Variants in ZNF76 observed in about 807,000 individuals in gnomAD.
ZNF76 encodes the protein zinc finger protein 523.
Under a neutral mutation model 66.9 loss-of-function variants are expected in ZNF76, and 66 were observed. The observed-to-expected ratio is 0.99, with a 90% CI of 0.81 to 1.21. ZNF76 has a LOEUF of 1.21. Ranked by LOEUF, ZNF76 falls within the 50% of genes most tolerant of loss-of-function variation. The pLI is 0.00. For synonymous variants in ZNF76, 275 were observed against 296.1 expected (o/e 0.93, Z 0.73); for missense variants, 729 against 760.3 (o/e 0.96, Z 0.48).
At chr6:35,272,324 C>T (rs966482900) in intron 1 of ZNF76, among the ~76,000 whole-genome samples, 1 of 152,086 alleles carries the variant, frequency 6.6e-6, no homozygotes, top group African/African-American at 2.4e-5. Context: ...AATAAATTAG[C>T]CAGGCTTGGT....
intron 1 of ZNF76, among the ~76,000 whole-genome samples, chr6:35,271,669 CAA>C (rs1248714563): frequency 5.0e-5 from 5 of 100,614 alleles, no homozygotes; most frequent in Admixed American, 1.0e-4. Flanking sequence ...GACTCCGTCT[CAA>C]AAAAAAAAAA....
chr6:35,278,676 AAG>A (rs1432400924), intron 1 of ZNF76, among the ~76,000 whole-genome samples: 9 of 152,250 alleles, frequency 5.9e-5, no homozygotes, highest in African/African-American at 2.2e-4. Flanking sequence ...ATGGATGTCA[AAG>A]AGAGTCTTCA....
intron 2 of ZNF76, among the ~76,000 whole-genome samples, chr6:35,283,711 C>T (rs944072602): frequency 6.6e-6 from 1 of 152,248 alleles, no homozygotes; most frequent in African/African-American, 2.4e-5. Flanking sequence ...ACCCACTCTG[C>T]TGGCCGTAGC....
Position 35,292,647 on chromosome 6 carries a change from G to A in ZNF76, c.1025G>A (p.Cys342Tyr). ...LYKHHVVHTH[C>Y]KPYTCSTCGK... ...AAGCACCACGTGGTGCACACACACT[G>A]CAAGCCCTACACCTGCAGCACCTGC... Residue 342 changes from cysteine (C) to tyrosine (Y), a missense_variant, in exon 10 of 14, where the codon TGC becomes TAC. Physicochemically the swap from Cys to Tyr is radical, Grantham distance 194. Coordinates refer to ENST00000373953, the MANE Select transcript of ZNF76 (RefSeq NM_003427.5). This position sits in a 1 kb window ranked among gnomAD's most constrained non-coding sequence, Gnocchi z 4.7. 1 of 1,614,096 alleles carries A rather than the reference G, an allele frequency of 6.2e-7. No homozygotes were observed. Among genetic ancestry groups the A allele is most frequent in the Non-Finnish European group, 8.5e-7 (1 of 1,180,038 alleles).
intron 1 of ZNF76, among the ~76,000 whole-genome samples, chr6:35,268,586 A>C (rs1369335157): frequency 2.0e-5 from 3 of 151,994 alleles, no homozygotes; most frequent in Non-Finnish European, 4.4e-5. Flanking sequence ...CAGATCACGA[A>C]GTCAGGAATT....
At position 35,280,518 on chromosome 6, in the gene ZNF76, C is replaced by CG. The variant is rs201068480; in HGVS notation, c.-96-538_-96-537insG. On this transcript the variant is annotated intron_variant, in intron 1 of 13. Coordinates refer to ENST00000373953, the MANE Select transcript of ZNF76 (RefSeq NM_003427.5). ...GGAAAAGGAGGACTCAAGCATGATC[C>CG]CCCCCCCCCCCGCCCTGAAGTTCTG... Among the ~76,000 whole-genome samples the CG allele has an allele frequency of 1.4e-3, 16 of 11,304 alleles. 1 individual carries two copies. The highest frequency in any genetic ancestry group is 2.9e-3 in the African/African-American group (15 of 5,226). 7.4% of individuals were successfully genotyped at this position (11,304 alleles called of 152,430 possible). A position where few individuals can be genotyped will look rare whatever the true frequency, so the allele number is the denominator to read the frequency against.
intron 1 of ZNF76, among the ~76,000 whole-genome samples, chr6:35,273,873 A>G (rs1431526078): frequency 6.8e-6 from 1 of 146,744 alleles, no homozygotes; most frequent in Non-Finnish European, 1.5e-5. Flanking sequence ...GAAAAAAAAA[A>G]TTGAAGAAAA....
At chr6:35,285,655 T>C (rs959340688) in intron 2 of ZNF76, among the ~76,000 whole-genome samples, 3 of 152,206 alleles carry the variant, frequency 2.0e-5, no homozygotes, top group Admixed American at 1.3e-4. Context: ...TTTTTAACCA[T>C]TAAGCTATAT....
At chr6:35,291,765 C>A (rs1790424313) in intron 9 of ZNF76, 28 bp downstream of exon 9, 2 of 1,600,618 alleles carry the variant, frequency 1.2e-6, no homozygotes, top group African/African-American at 2.7e-5. Flanking sequence ...CGAGGACTAC[C>A]CTCACTCAGG....
Position 35,286,404 on chromosome 6 carries a change from G to C in ZNF76, c.232+5G>C, listed in dbSNP as rs372956633. 7 of 1,613,654 alleles carry C rather than the reference G, an allele frequency of 4.3e-6. No individual in the cohort carries two copies. In the African/African-American group the frequency reaches 9.3e-5, roughly 22 times the overall value. ...ACATACACCGCACACCCAGAGGTAG[G>C]GTCACCATCATCACAACTCGGGGAA... On this transcript the variant is annotated splice_donor_5th_base_variant and intron_variant, in intron 4 of 13. Coordinates refer to ENST00000373953, the MANE Select transcript of ZNF76 (RefSeq NM_003427.5).
chr6:35,294,789 G>T, intron 13 of ZNF76: 1 of 600,316 alleles, frequency 1.7e-6, no homozygotes, highest in Non-Finnish European at 3.0e-6. Flanking sequence ...GGATAACTCC[G>T]ATGGCAGTCC....
chr6:35,266,510 T>C (rs1461473232), intron 1 of ZNF76, among the ~76,000 whole-genome samples: 2 of 152,192 alleles, frequency 1.3e-5, no homozygotes, highest in Non-Finnish European at 2.9e-5. Context: ...AATTCACTCT[T>C]GAACATGTCA....
At position 35,292,687 on chromosome 6, in the gene ZNF76, G is replaced by A; in HGVS notation, c.1065G>A (p.Arg355=). 1 of 1,614,168 alleles carries A rather than the reference G, an allele frequency of 6.2e-7. No individual in the cohort carries two copies. The highest frequency in any genetic ancestry group is 2.2e-5 in the East Asian group (1 of 44,868). ...YTCSTCGKTY[R]QTSTLAMHKR... is the part of the protein sequence containing the mutation. ...GCAGCACCTGCGGCAAGACCTACCG[G>A]CAGACCTCCACCTTGGCCATGCACA... is the stretch of plus-strand genomic sequence containing the variant. The change falls in exon 10 of 14, where the codon CGG becomes CGA. Residue 355 remains arginine, a synonymous_variant. Coordinates refer to ENST00000373953, the MANE Select transcript of ZNF76 (RefSeq NM_003427.5). The surrounding 1 kb of genome is among the most constrained non-coding windows in gnomAD (Gnocchi z 4.7).
chr6:35,292,469 A>C lies in ZNF76; in HGVS notation c.932-85A>C. 1 of 1,450,114 alleles carries C rather than the reference A, an allele frequency of 6.9e-7. No individual in the cohort carries two copies. Among genetic ancestry groups the C allele is most frequent in the Admixed American group, 1.8e-5 (1 of 55,788 alleles). The allele number at this position is 1,450,114 out of a possible 1,614,324, so 89.8% of individuals were successfully genotyped here. ...TCTCCCTCCCTCTGGCTCTCCCTTC[A>C]CCAACCCTGTCCCTCACCCCTGTCC... On this transcript the variant is annotated intron_variant, in intron 9 of 13. Coordinates refer to ENST00000373953, the MANE Select transcript of ZNF76 (RefSeq NM_003427.5). This position sits in a 1 kb window ranked among gnomAD's most constrained non-coding sequence, Gnocchi z 4.7.
Position 35,290,918 on chromosome 6 carries a change from G to A in ZNF76, c.625+202G>A, listed in dbSNP as rs1790288542. 13 of 620,088 alleles carry A rather than the reference G, an allele frequency of 2.1e-5. No individual in the cohort carries two copies. In the South Asian group the frequency reaches 2.6e-4, roughly 12 times the overall value. The allele number at this position is 620,088 out of a possible 1,614,324, so 38.4% of individuals were successfully genotyped here. A position where few individuals can be genotyped will look rare whatever the true frequency, so the allele number is the denominator to read the frequency against. On this transcript the variant is annotated intron_variant, in intron 7 of 13. Coordinates refer to ENST00000373953, the MANE Select transcript of ZNF76 (RefSeq NM_003427.5). ...TGGTTCAGGCCAGCAGAAGGAGCCT[G>A]GAGGGTTGGTGGAGAGACCCAGCCT...
At chr6:35,291,983 C>A (rs561859237) in intron 9 of ZNF76, 4 of 565,592 alleles carry the variant, frequency 7.1e-6, no homozygotes, top group Admixed American at 6.1e-5. Flanking sequence ...CTCCCTACCA[C>A]CCCTCTACAC....
rs371253693 is a variant in ZNF76 at position 35,292,685 on chromosome 6, C to T, written c.1063C>T (p.Arg355Trp). ...CTGCAGCACCTGCGGCAAGACCTACCGGCAGACCTCCACCTTGGCCATGCA... is the reference window on the plus strand; with the variant it reads ...CTGCAGCACCTGCGGCAAGACCTACTGGCAGACCTCCACCTTGGCCATGCA... ...YTCSTCGKTY[R>W]QTSTLAMHKR... Residue 355 changes from arginine (R) to tryptophan (W), a missense_variant, in exon 10 of 14, where the codon CGG becomes TGG. Transcript: ENST00000373953. The surrounding 1 kb of genome is among the most constrained non-coding windows in gnomAD (Gnocchi z 4.7). The T allele has an allele frequency of 2.0e-5, 33 of 1,614,050 alleles. No homozygotes were observed. Among genetic ancestry groups the T allele is most frequent in the African/African-American group, 5.3e-5 (4 of 74,914 alleles).
intron 1 of ZNF76, among the ~76,000 whole-genome samples, chr6:35,271,026 A>G (rs1261043353): frequency 6.6e-6 from 1 of 152,058 alleles, no homozygotes; most frequent in Non-Finnish European, 1.5e-5. Flanking sequence ...CATTTTTTTC[A>G]TTATGTTTTG....
In ZNF76 at chr6:35,295,141, C is replaced by T. The variant is rs1791017332; in HGVS notation, c.1609-3C>T. 2 of 1,609,606 alleles carry T rather than the reference C, an allele frequency of 1.2e-6. No homozygotes were observed. The highest frequency in any genetic ancestry group is 2.7e-5 in the African/African-American group (2 of 74,848). On this transcript the variant is annotated splice_polypyrimidine_tract_variant and splice_region_variant and intron_variant, in intron 13 of 13. Coordinates refer to ENST00000373953, the MANE Select transcript of ZNF76 (RefSeq NM_003427.5). ...CCTTCCTTCTGCACCCCCTTCCCCA[C>T]AGCTGGAGGAACAGCAGACCTTAGA...
Sources: allele counts gnomAD v4.1 joint callset (sites outside exome capture counted in the v4.1 genomes callset), GRCh38; gene constraint gnomAD v4.1.1; non-coding constraint Gnocchi (gnomAD v3.1); transcripts MANE v1.5; gene names NCBI Gene and HGNC (gene_info 2026-07-23, HGNC 2026-07-21).